SCN2A: variants seen among roughly 807,000 people sequenced by gnomAD.
The protein encoded by SCN2A is sodium channel protein type 2 subunit alpha.
A neutral mutation model predicts 188.7 loss-of-function variants in SCN2A; 20 were observed. The ratio of observed to expected loss-of-function variants is 0.11; its 90% CI spans 0.07 to 0.15. The LOEUF is 0.15. Ranked by LOEUF, SCN2A falls within the 10% of genes least tolerant of loss-of-function variation. SCN2A has a pLI of 1.00. For synonymous variants in SCN2A, 804 were observed against 833.1 expected (o/e 0.97, Z 0.60); for missense variants, 1,278 against 2,445.0 (o/e 0.52, Z 10.07).
intron 17 of SCN2A, among the ~76,000 whole-genome samples, chr2:165,361,192 A>G (rs1700443892): frequency 6.6e-6 from 1 of 151,988 alleles, no homozygotes; most frequent in Non-Finnish European, 1.5e-5. Flanking sequence ...TTTCCTGCCT[A>G]TGTTTCAAGA....
intron 22 of SCN2A, among the ~76,000 whole-genome samples, chr2:165,376,212 G>C (rs1465810627): frequency 1.3e-5 from 2 of 151,676 alleles, no homozygotes; most frequent in African/African-American, 4.8e-5. Flanking sequence ...AAAAAAATAA[G>C]TATAAGAAGC....
At chr2:165,372,642 A>G (rs531420395) in intron 20 of SCN2A, 229 of 152,346 alleles carry the variant, frequency 1.5e-3, no homozygotes, top group Middle Eastern at 3.4e-3. Flanking sequence ...TTATCATAAA[A>G]TCTCAACTTT....
intron 1 of SCN2A, among the ~76,000 whole-genome samples, chr2:165,278,000 A>G (rs1430361603): frequency 6.6e-6 from 1 of 152,218 alleles, no homozygotes; most frequent in Non-Finnish European, 1.5e-5. Flanking sequence ...GTGAAAAACA[A>G]ATGTTCTTAA....
At chr2:165,352,667 C>A (rs571673473) in intron 16 of SCN2A, among the ~76,000 whole-genome samples, 3 of 152,046 alleles carry the variant, frequency 2.0e-5, no homozygotes, top group Admixed American at 2.0e-4. Flanking sequence ...CGCAGTTAAA[C>A]CACAGTCAAA....
At chr2:165,355,703 G>A (rs1420096747) in intron 17 of SCN2A, among the ~76,000 whole-genome samples, 1 of 152,072 alleles carries the variant, frequency 6.6e-6, no homozygotes, top group Non-Finnish European at 1.5e-5. Context: ...AGCACAACAT[G>A]ATCATGATAA....
At chr2:165,246,371 C>T (rs1385988409) in intron 1 of SCN2A, among the ~76,000 whole-genome samples, 1 of 152,000 alleles carries the variant, frequency 6.6e-6, no homozygotes, top group Non-Finnish European at 1.5e-5. Flanking sequence ...TTTTTTTACC[C>T]TTCTTCAGAC....
At chr2:165,291,073 A>T (rs571038340) in intron 1 of SCN2A, among the ~76,000 whole-genome samples, 89 of 79,394 alleles carry the variant, frequency 1.1e-3, no homozygotes, top group African/African-American at 4.2e-3. Context: ...ACTGAGTTTC[A>T]CTCTGTTGCC....
intron 1 of SCN2A, among the ~76,000 whole-genome samples, chr2:165,277,893 T>TTTCTGCAAGGCATTGCTTTATG (rs1183016467): frequency 1.3e-5 from 2 of 152,228 alleles, no homozygotes; most frequent in Non-Finnish European, 2.9e-5. Flanking sequence ...GAATATCTAC[T>TTTCTGCAAGGCATTGCTTTATG]TTCTGCAAGG....
chr2:165,367,442 A>G, intron 19 of SCN2A, 71 bp downstream of exon 19: 1 of 1,487,970 alleles, frequency 6.7e-7, no homozygotes, highest in Non-Finnish European at 9.4e-7. Context: ...ATCAACTCAT[A>G]TTACCCACTT....
chr2:165,284,631 A>G (rs1488085396), intron 1 of SCN2A, among the ~76,000 whole-genome samples: 1 of 152,182 alleles, frequency 6.6e-6, no homozygotes, highest in Non-Finnish European at 1.5e-5. Context: ...TTTTAGGTAG[A>G]AGTCTTTGAT....
chr2:165,276,295 C>A (rs1695340896), intron 1 of SCN2A, among the ~76,000 whole-genome samples: 1 of 151,924 alleles, frequency 6.6e-6, no homozygotes, highest in Admixed American at 6.6e-5. Flanking sequence ...TGAATTAGCT[C>A]CCTAAAAATA....
chr2:165,344,339 G>A (rs2105318158), intron 15 of SCN2A, among the ~76,000 whole-genome samples: 1 of 152,080 alleles, frequency 6.6e-6, no homozygotes, highest in East Asian at 1.9e-4. Flanking sequence ...AATTGAGACA[G>A]TTACCTGTAC....
At chr2:165,261,090 A>G (rs1407935264) in intron 1 of SCN2A, among the ~76,000 whole-genome samples, 1 of 152,140 alleles carries the variant, frequency 6.6e-6, no homozygotes, top group Non-Finnish European at 1.5e-5. Context: ...AATGCTATGT[A>G]AACAGTTGTC....
chr2:165,334,348 C>T (rs981356890), intron 14 of SCN2A, among the ~76,000 whole-genome samples: 4 of 151,670 alleles, frequency 2.6e-5, no homozygotes, highest in African/African-American at 9.7e-5. Context: ...TATAGACCAG[C>T]CATATCCCAT....
rs924845392 is a variant in SCN2A at position 165,331,384 on chromosome 2, T to C, written c.2204T>C (p.Met735Thr). Residue 735 changes from methionine (M) to threonine (T), a missense_variant, in exon 14 of 27, where the codon ATG becomes ACG. Met to Thr is a moderately conservative substitution (Grantham distance 81). Around this residue, in one of 17 missense-constraint regions of SCN2A, gnomAD observed 315 missense variants for 386.6 expected, o/e 0.81. Transcript: ENST00000375437. The part of the protein sequence containing the change: ...CPPCWYKFAN[M>T]CLIWDCCKPW... ...CCATGCTGGTATAAATTTGCTAATATGTGTTTGATTTGGGACTGTTGTAAA... is the reference window on the plus strand; with the variant it reads ...CCATGCTGGTATAAATTTGCTAATACGTGTTTGATTTGGGACTGTTGTAAA... 1.9e-6 allele frequency: 3 copies of C among 1,613,832 alleles called. No homozygotes were observed. Among genetic ancestry groups the C allele is most frequent in the Non-Finnish European group, 2.5e-6 (3 of 1,179,794 alleles).
At chr2:165,286,933 A>G (rs957143439) in intron 1 of SCN2A, among the ~76,000 whole-genome samples, 4 of 152,098 alleles carry the variant, frequency 2.6e-5, no homozygotes, top group African/African-American at 9.7e-5. Flanking sequence ...TTCCCATTTT[A>G]CCATCCTTTA....
chr2:165,329,545 T>G (rs1698563309), intron 13 of SCN2A, among the ~76,000 whole-genome samples: 1 of 152,184 alleles, frequency 6.6e-6, no homozygotes, highest in Non-Finnish European at 1.5e-5. Flanking sequence ...CTCCGGTTAT[T>G]CCTACTGTCA....
intron 11 of SCN2A, 145 bp downstream of exon 11, chr2:165,315,903 T>C: frequency 2.0e-6 from 2 of 998,216 alleles, no homozygotes; most frequent in Non-Finnish European, 2.9e-6. Context: ...TGGCTATCAC[T>C]TCAGAGAATT....
intron 1 of SCN2A, among the ~76,000 whole-genome samples, chr2:165,291,507 CTTT>C (rs1696175253): frequency 3.8e-5 from 4 of 104,430 alleles, no homozygotes; most frequent in Non-Finnish European, 6.1e-5. Flanking sequence ...TTCTTTCTTT[CTTT>C]CTTCCTCTCC....
Sources: allele counts gnomAD v4.1 joint callset (sites outside exome capture counted in the v4.1 genomes callset), GRCh38; gene constraint gnomAD v4.1.1; regional missense constraint gnomAD v4.1.1; transcripts MANE v1.5; gene names NCBI Gene and HGNC (gene_info 2026-07-23, HGNC 2026-07-21).